The following PCSK5 variants were observed in gnomAD, a reference collection of about 807,000 sequenced individuals.
The protein encoded by PCSK5 is proprotein convertase subtilisin/kexin type 5, also known as prohormone convertase 5.
In PCSK5, 129 loss-of-function variants were observed where a neutral mutation model predicts 233.2. The observed-to-expected ratio is 0.55, with a 90% CI of 0.48 to 0.64. The LOEUF (loss-of-function observed/expected upper bound fraction) is 0.64, where lower values mean the gene tolerates loss of function less well. PCSK5 is among the 30% of genes least tolerant of loss of function. PCSK5 has a pLI of 0.00. For missense variants in PCSK5, 2,076 were observed against 2,430.1 expected (o/e 0.85, Z 3.06); for synonymous variants, 825 against 879.2 (o/e 0.94, Z 1.09).
intron 20 of PCSK5, chr9:76,193,470 C>G: frequency 2.7e-6 from 2 of 741,666 alleles, no homozygotes; most frequent in Non-Finnish European, 2.0e-6. Context: ...TCTTTTCTTG[C>G]TCTCTTTTTC....
Position 76,220,381 on chromosome 9 carries a change from G to T in PCSK5, c.2627-7122G>T, listed in dbSNP as rs184715030. Reference sequence around the variant, plus strand: ...GTCTCTACTAAAAATACAAAAATCAGCTGGGCGTGGTGGTGGGCGCCTGTA... The same window carrying T: ...GTCTCTACTAAAAATACAAAAATCATCTGGGCGTGGTGGTGGGCGCCTGTA... On this transcript the variant is annotated intron_variant, in intron 20 of 37. Coordinates refer to ENST00000674117, the MANE Select transcript of PCSK5 (RefSeq NM_001372043.1). 1.1e-3 allele frequency among the ~76,000 whole-genome samples: 167 copies of T among 152,052 alleles called. 1 individual carries two copies. The highest frequency in any genetic ancestry group is 3.1e-3 in the African/African-American group (127 of 41,484).
At chr9:76,204,496 C>T (rs1198953654) in intron 20 of PCSK5, among the ~76,000 whole-genome samples, 2 of 151,816 alleles carry the variant, frequency 1.3e-5, no homozygotes, top group Non-Finnish European at 2.9e-5. Context: ...CTCCTCTACT[C>T]TCTCCCCCCT....
Position 76,181,484 on chromosome 9 carries a change from T to C in PCSK5, c.2090T>C (p.Phe697Ser), listed in dbSNP as rs748542992. 1 of 1,614,086 alleles carries C rather than the reference T, an allele frequency of 6.2e-7. No homozygotes were observed. The highest frequency in any genetic ancestry group is 2.2e-5 in the East Asian group (1 of 44,852). ...RKCAPNCESC[F>S]GSHGDQCMSC... The stretch of plus-strand genomic sequence containing the variant: ...TGTGCCCCCAACTGTGAGTCCTGCT[T>C]TGGGAGCCATGGTGACCAATGCATG... Residue 697 changes from phenylalanine to serine, a missense_variant, in exon 16 of 38, where the codon TTT becomes TCT. Around this residue, in one of 6 missense-constraint regions of PCSK5, gnomAD observed 1,510 missense variants for 1,538.1 expected, o/e 0.98. Transcript: ENST00000674117.
At chr9:76,114,771 A>G (rs1196387224) in intron 9 of PCSK5, among the ~76,000 whole-genome samples, 2 of 152,136 alleles carry the variant, frequency 1.3e-5, no homozygotes, top group African/African-American at 4.8e-5. Flanking sequence ...TTTCCAAAGA[A>G]TAGTTGTCAG....
chr9:76,249,205 G>T lies in PCSK5; in HGVS notation c.3142+8521G>T, dbSNP rs149317948. ...TTGTTACTTGCATCTGGTGGATAGA[G>T]GTTGAGGATGCTACTAAATATTCTA... On this transcript the variant is annotated intron_variant, in intron 24 of 37. Transcript: ENST00000674117. Among the ~76,000 whole-genome samples, 442 of 152,284 alleles carry T rather than the reference G, an allele frequency of 2.9e-3. 2 individuals are homozygous for T. The highest frequency in any genetic ancestry group is 9.8e-3 in the African/African-American group (409 of 41,544).
intron 2 of PCSK5, among the ~76,000 whole-genome samples, chr9:75,951,688 C>A (rs1824864290): frequency 6.6e-6 from 1 of 151,624 alleles, no homozygotes. Flanking sequence ...CAGATTCAAC[C>A]AACTGTATAT....
At chr9:76,037,044 A>T (rs949817585) in intron 5 of PCSK5, among the ~76,000 whole-genome samples, 9 of 152,252 alleles carry the variant, frequency 5.9e-5, no homozygotes, top group African/African-American at 1.9e-4. Flanking sequence ...AACAAGTAAC[A>T]AAGATTATAT....
chr9:76,281,047 G>C (rs1160981491), intron 24 of PCSK5, among the ~76,000 whole-genome samples: 1 of 152,142 alleles, frequency 6.6e-6, no homozygotes, highest in Non-Finnish European at 1.5e-5. Flanking sequence ...AGCTAGCAGA[G>C]GTTAGTTCAT....
rs963441346 is a variant in PCSK5, at chr9:76,240,443, T to A, written c.3074-173T>A. On this transcript the variant is annotated intron_variant, in intron 23 of 37. Coordinates refer to ENST00000674117, the MANE Select transcript of PCSK5 (RefSeq NM_001372043.1). Reference sequence around the variant, plus strand: ...AAGCTGATTCAATCTATTCAATTAATAGAAGGAGATTAAAAAGTAGAAACC... The same window carrying A: ...AAGCTGATTCAATCTATTCAATTAAAAGAAGGAGATTAAAAAGTAGAAACC... Among the ~76,000 whole-genome samples the A allele has an allele frequency of 2.0e-5, 3 of 152,230 alleles. No individual in the cohort carries two copies. In the East Asian group the frequency reaches 5.8e-4, roughly 29 times the overall value.
intron 9 of PCSK5, among the ~76,000 whole-genome samples, chr9:76,111,438 C>T (rs187186397): frequency 2.4e-4 from 36 of 152,148 alleles, no homozygotes; most frequent in Admixed American, 2.1e-3. Context: ...TCCTTGTTCT[C>T]AAAGATGCTT....
intron 24 of PCSK5, among the ~76,000 whole-genome samples, chr9:76,259,455 CTACA>C (rs758107626): frequency 2.6e-5 from 2 of 77,076 alleles, no homozygotes. Context: ...TCTGTCTACA[CTACA>C]CACACACACA....
chr9:76,126,705 G>A (rs1832867876), intron 9 of PCSK5, among the ~76,000 whole-genome samples: 1 of 152,166 alleles, frequency 6.6e-6, no homozygotes, highest in African/African-American at 2.4e-5. Flanking sequence ...AATACTGCAT[G>A]TTCTCACTTA....
chr9:75,997,136 C>T (rs1217192199), intron 3 of PCSK5, among the ~76,000 whole-genome samples: 1 of 152,108 alleles, frequency 6.6e-6, no homozygotes, highest in African/African-American at 2.4e-5. Flanking sequence ...AGGGGAGAGC[C>T]GGTCATTTAG....
chr9:76,007,825 T>TGTGTGTGA (rs1827547075), intron 3 of PCSK5, among the ~76,000 whole-genome samples: 1 of 151,080 alleles, frequency 6.6e-6, no homozygotes, highest in Non-Finnish European at 1.5e-5. Flanking sequence ...TGTGTGTGTG[T>TGTGTGTGA]GTGTGTGTGT....
chr9:76,002,370 A>G (rs1015561023), intron 3 of PCSK5, among the ~76,000 whole-genome samples: 5 of 152,216 alleles, frequency 3.3e-5, no homozygotes, highest in African/African-American at 1.2e-4. Flanking sequence ...TATCAAAATT[A>G]TGTGATACAG....
At chr9:75,979,664 G>A (rs532213309) in intron 2 of PCSK5, among the ~76,000 whole-genome samples, 7 of 152,268 alleles carry the variant, frequency 4.6e-5, no homozygotes, top group African/African-American at 1.4e-4. Context: ...TGTTCTAGAC[G>A]GCTTTTGCAT....
intron 24 of PCSK5, among the ~76,000 whole-genome samples, chr9:76,283,738 C>T (rs1028055495): frequency 4.6e-5 from 7 of 152,032 alleles, no homozygotes; most frequent in South Asian, 4.2e-4. Flanking sequence ...AAGTTTGCTC[C>T]GGGGAATAAA....
chr9:76,223,363 T>C (rs966791925), intron 20 of PCSK5, among the ~76,000 whole-genome samples: 1 of 152,236 alleles, frequency 6.6e-6, no homozygotes, highest in South Asian at 2.1e-4. Context: ...TTCAATCTTA[T>C]GTTGTAACTT....
chr9:75,948,242 T>C (rs1262416940), intron 2 of PCSK5, among the ~76,000 whole-genome samples: 1 of 152,086 alleles, frequency 6.6e-6, no homozygotes. Flanking sequence ...ACATGTGCCA[T>C]GTTGGTTGTT....
Sources: gnomAD v4.1 joint callset for allele counts (sites outside exome capture counted in the v4.1 genomes callset) on GRCh38, gnomAD v4.1.1 for gene constraint, gnomAD v4.1.1 regional missense constraint, MANE v1.5 for transcripts, NCBI Gene and HGNC (gene_info 2026-07-23, HGNC 2026-07-21) for gene names.